Variants in BTBD16 observed in about 807,000 individuals in gnomAD.
BTBD16 encodes the protein BTB domain containing 16.
A neutral mutation model predicts 67.4 loss-of-function variants in BTBD16; 66 were observed. The ratio of observed to expected loss-of-function variants is 0.98; its 90% confidence interval spans 0.80 to 1.20. The LOEUF (loss-of-function observed/expected upper bound fraction) is 1.20. Ranked by LOEUF, BTBD16 falls within the 50% of genes most tolerant of loss-of-function variation. BTBD16 has a pLI of 0.00. For missense variants in BTBD16, 634 were observed against 616.0 expected, an observed-to-expected ratio of 1.03 and a Z score of -0.31; for synonymous variants, 242 against 236.4, an observed-to-expected ratio of 1.02 and a Z score of -0.22.
intron 3 of BTBD16, among the ~76,000 whole-genome samples, chr10:122,279,619 G>T (rs778351068): frequency 1.2e-4 from 18 of 151,792 alleles, no homozygotes; most frequent in Non-Finnish European, 2.5e-4. Flanking sequence ...AATAAAGGGT[G>T]TGTATAACAT....
chr10:122,289,293 T>C (rs999913061), intron 5 of BTBD16, among the ~76,000 whole-genome samples: 1 of 152,088 alleles, frequency 6.6e-6, no homozygotes, highest in Non-Finnish European at 1.5e-5. Context: ...ATATGTAAAA[T>C]GCAGTGTGAG....
rs1234808677 is a variant in BTBD16, at chr10:122,331,252, C to T, written c.1080C>T (p.Tyr360=). The change falls in exon 12 of 16, where the codon TAC becomes TAT. Residue 360 remains tyrosine (Y), a synonymous_variant. Transcript: ENST00000260723. The stretch of plus-strand genomic sequence containing the variant: ...TCGACCAGGTTACAGTCAACCATTA[C>T]CACGCAGTGAGTTGCCTGCTCTGCA... ...SWLDQVTVNH[Y]HALENGGDMV... 1 of 1,613,408 alleles carries T rather than the reference C, an allele frequency of 6.2e-7. No homozygotes were observed. Among genetic ancestry groups the T allele is most frequent in the Non-Finnish European group, 8.5e-7 (1 of 1,179,864 alleles).
chr10:122,334,417 G>C (rs940333822), intron 13 of BTBD16, among the ~76,000 whole-genome samples: 2 of 142,228 alleles, frequency 1.4e-5, no homozygotes, highest in African/African-American at 5.2e-5. Flanking sequence ...GGATGGTCTT[G>C]ATCTTCTGAC....
intron 10 of BTBD16, among the ~76,000 whole-genome samples, chr10:122,316,995 G>A (rs1229955160): frequency 6.6e-6 from 1 of 152,092 alleles, no homozygotes; most frequent in African/African-American, 2.4e-5. Flanking sequence ...CTCCATGTTG[G>A]TCAGGCTGAT....
At chr10:122,316,645 A>G (rs1368092913) in intron 10 of BTBD16, among the ~76,000 whole-genome samples, 1 of 152,110 alleles carries the variant, frequency 6.6e-6, no homozygotes, top group Non-Finnish European at 1.5e-5. Flanking sequence ...AACATATATG[A>G]TGTAAAAGAT....
intron 7 of BTBD16, among the ~76,000 whole-genome samples, chr10:122,292,663 C>T (rs1388302466): frequency 6.6e-6 from 1 of 152,216 alleles, no homozygotes; most frequent in African/African-American, 2.4e-5. Context: ...ATTCATCTGC[C>T]TCAAGGACAA....
At chr10:122,317,895 G>A (rs1472608846) in intron 10 of BTBD16, among the ~76,000 whole-genome samples, 1 of 151,974 alleles carries the variant, frequency 6.6e-6, no homozygotes, top group Non-Finnish European at 1.5e-5. Flanking sequence ...TTTTTTATAA[G>A]TAGAAGGAAA....
intron 11 of BTBD16, 142 bp from the exon 12 acceptor site, chr10:122,331,034 G>T: frequency 2.9e-6 from 3 of 1,052,012 alleles, no homozygotes; most frequent in East Asian, 3.0e-5. Flanking sequence ...TTTCCACTTT[G>T]TCAATCAAAC....
intron 10 of BTBD16, 45 bp from the exon 11 acceptor site, chr10:122,329,435 G>T: frequency 1.3e-6 from 2 of 1,583,880 alleles, no homozygotes; most frequent in Non-Finnish European, 1.7e-6. Flanking sequence ...ATTCCAGAGA[G>T]GAGTTTGCTG....
At chr10:122,322,156 G>A (rs1038616332) in intron 10 of BTBD16, among the ~76,000 whole-genome samples, 33 of 152,010 alleles carry the variant, frequency 2.2e-4, no homozygotes, top group African/African-American at 8.0e-4. Context: ...TGACACACCT[G>A]TTGATATTTT....
intron 10 of BTBD16, chr10:122,327,724 G>GCCATCCTGTCCCA: frequency 1.1e-6 from 1 of 874,890 alleles, no homozygotes; most frequent in Non-Finnish European, 1.4e-6. Context: ...CTCTGGGACA[G>GCCATCCTGTCCCA]GATGGCTGTC....
intron 10 of BTBD16, among the ~76,000 whole-genome samples, chr10:122,319,508 G>A (rs1489882132): frequency 6.6e-6 from 1 of 151,958 alleles, no homozygotes; most frequent in Non-Finnish European, 1.5e-5. Context: ...ATTGCTTTTG[G>A]CACCGTTGTC....
At chr10:122,290,134 C>A in intron 6 of BTBD16, 136 bp downstream of exon 6, 2 of 583,366 alleles carry the variant, frequency 3.4e-6, no homozygotes, top group East Asian at 2.9e-5. Flanking sequence ...TAAAAAGGCC[C>A]GAACGTGCAA....
chr10:122,295,963 T>C (rs539759648), intron 7 of BTBD16, among the ~76,000 whole-genome samples: 4 of 140,482 alleles, frequency 2.8e-5, no homozygotes, highest in Middle Eastern at 3.4e-3. Context: ...ACCAATTTTC[T>C]TTTTTTTAAG....
intron 10 of BTBD16, among the ~76,000 whole-genome samples, chr10:122,328,417 A>T (rs1304958721): frequency 6.6e-6 from 1 of 152,222 alleles, no homozygotes; most frequent in Non-Finnish European, 1.5e-5. Context: ...CTTTGTGCCT[A>T]CAACTTTTCT....
At chr10:122,318,860 A>G (rs888280445) in intron 10 of BTBD16, among the ~76,000 whole-genome samples, 1 of 152,224 alleles carries the variant, frequency 6.6e-6, no homozygotes, top group Non-Finnish European at 1.5e-5. Flanking sequence ...TGCTGGGATT[A>G]CAGGCGTTCA....
At chr10:122,313,751 A>T (rs1590081691) in intron 10 of BTBD16, among the ~76,000 whole-genome samples, 1 of 152,068 alleles carries the variant, frequency 6.6e-6, no homozygotes. Context: ...TGCACAATTG[A>T]TCCAGCACCG....
intron 4 of BTBD16, among the ~76,000 whole-genome samples, chr10:122,285,538 T>G (rs911776): frequency 0.46 from 69,635 of 151,912 alleles, 17,236 homozygotes; most frequent in East Asian, 0.89. Flanking sequence ...GGGGGGTGAT[T>G]TGGCTTCATT....
chr10:122,336,371 G>A, intron 14 of BTBD16, 123 bp from the exon 15 acceptor site: 1 of 819,986 alleles, frequency 1.2e-6, no homozygotes, highest in Non-Finnish European at 1.8e-6. Flanking sequence ...GTGCCAATTG[G>A]GAAATGCCCT....
Sources: gnomAD v4.1 joint callset for allele counts (sites outside exome capture counted in the v4.1 genomes callset) on GRCh38, gnomAD v4.1.1 for gene constraint, MANE v1.5 for transcripts, NCBI Gene and HGNC (gene_info 2026-07-23, HGNC 2026-07-21) for gene names.